The following FTSJ3 variants were observed in gnomAD, a reference collection of about 807,000 sequenced individuals.
The protein encoded by FTSJ3 is pre-rRNA 2'-O-ribose RNA methyltransferase FTSJ3.
FTSJ3 carries 46 observed loss-of-function variants against 111.5 expected under a neutral mutation model. That is an observed-to-expected ratio of 0.41 (90% CI 0.33 to 0.53). FTSJ3 has a LOEUF of 0.53. Ranked by LOEUF, FTSJ3 falls within the 20% of genes least tolerant of loss-of-function variation. FTSJ3 has a pLI of 0.19. For missense variants in FTSJ3, 1,075 were observed against 1,063.8 expected (o/e 1.01, Z -0.15); for synonymous variants, 408 against 383.0 (o/e 1.07, Z -0.76).
intron 13 of FTSJ3, among the ~76,000 whole-genome samples, chr17:63,822,820 G>A (rs1029647778): frequency 7.0e-6 from 1 of 142,606 alleles, no homozygotes; most frequent in African/African-American, 2.5e-5. Context: ...TATTTCTTGA[G>A]TGTTTATCAC....
rs753556041 is a variant in FTSJ3, at chr17:63,824,155, TTCC to T, written c.1080_1082del (p.Glu366del). 17 of 1,613,672 alleles carry T rather than the reference TTCC, an allele frequency of 1.1e-5. No individual in the cohort carries two copies. Among genetic ancestry groups the T allele is most frequent in the South Asian group, 7.7e-5 (7 of 91,074 alleles). The stretch of plus-strand genomic sequence containing the variant: ...GGTTCAGTTGTTCCTCCTCCTCCTC[TTCC>T]TCCTCCTCCTTAGAGGGCTGCTTTG... On this transcript the variant is annotated inframe_deletion, in exon 12 of 21. Coordinates refer to ENST00000427159, the MANE Select transcript of FTSJ3 (RefSeq NM_017647.4).
chr17:63,827,365 C>G lies in FTSJ3; in HGVS notation c.-340G>C, dbSNP rs1043333948. On this transcript the variant is annotated 5_prime_UTR_variant, in exon 1 of 21. Coordinates refer to ENST00000427159, the MANE Select transcript of FTSJ3 (RefSeq NM_017647.4). The stretch of plus-strand genomic sequence containing the variant: ...CCCATCATGGTTCCCTTAGTGTGGT[C>G]TCGCCGCACACCCCGCCCATTGACC... 2 of 1,360,578 alleles carry G rather than the reference C, an allele frequency of 1.5e-6. No homozygotes were observed. Among genetic ancestry groups the G allele is most frequent in the Non-Finnish European group, 2.0e-6 (2 of 980,616 alleles). 84.3% of individuals were successfully genotyped at this position (1,360,578 alleles called of 1,614,324 possible).
Position 63,824,813 on chromosome 17 carries a change from C to A in FTSJ3, c.816+12G>T. On this transcript the variant is annotated intron_variant, in intron 9 of 20. Coordinates refer to ENST00000427159, the MANE Select transcript of FTSJ3 (RefSeq NM_017647.4). The stretch of plus-strand genomic sequence containing the variant: ...TGGGGCTACCTCATGTCCCTCAAGG[C>A]TGGAGACTCACTTCGCTGGCCTTGG... 1 of 1,611,154 alleles carries A rather than the reference C, an allele frequency of 6.2e-7. No individual in the cohort carries two copies. Among genetic ancestry groups the A allele is most frequent in the Non-Finnish European group, 8.5e-7 (1 of 1,177,484 alleles).
In FTSJ3 at chr17:63,825,443, G is replaced by A. The variant is rs1245387920; in HGVS notation, c.401-7C>T. On this transcript the variant is annotated splice_polypyrimidine_tract_variant and splice_region_variant and intron_variant, in intron 6 of 20. Coordinates refer to ENST00000427159, the MANE Select transcript of FTSJ3 (RefSeq NM_017647.4). ...GCCATCAGTGTCAAATGGGCTGTAG[G>A]ATAGAGACAATTAGTTGACGCACTC... 4 of 1,613,998 alleles carry A rather than the reference G, an allele frequency of 2.5e-6. No homozygotes were observed. The highest frequency in any genetic ancestry group is 3.3e-5 in the Admixed American group (2 of 60,012).
In FTSJ3 at chr17:63,821,135, CTG is replaced by C. The variant is rs765428947; in HGVS notation, c.1887-22_1887-21del. Reference sequence around the variant, plus strand: ...TCCCAGCTGTGAAGAGGGGAGGACTCTGAGTGATTCCACCACTCTGTACTACT... The same window carrying C: ...TCCCAGCTGTGAAGAGGGGAGGACTCAGTGATTCCACCACTCTGTACTACT... On this transcript the variant is annotated intron_variant, in intron 16 of 20. Coordinates refer to ENST00000427159, the MANE Select transcript of FTSJ3 (RefSeq NM_017647.4). 2.5e-6 allele frequency: 4 copies of C among 1,611,976 alleles called. No individual in the cohort carries two copies. Among genetic ancestry groups the C allele is most frequent in the Non-Finnish European group, 3.4e-6 (4 of 1,178,264 alleles).
intron 16 of FTSJ3, 92 bp from the exon 17 acceptor site, chr17:63,821,207 C>T (rs1449691168): frequency 3.9e-6 from 6 of 1,526,670 alleles, no homozygotes; most frequent in Admixed American, 3.3e-5. Context: ...GCCATGCAGG[C>T]TGTACCCCAG....
rs532022785 is a variant in FTSJ3, at chr17:63,827,043, G to A, written c.-27+9C>T. The A allele has an allele frequency of 9.0e-5, 71 of 789,366 alleles. No individual in the cohort carries two copies. The highest frequency in any genetic ancestry group is 3.0e-4 in the Admixed American group (15 of 50,596). The allele number at this position is 789,366 out of a possible 1,614,324, so 48.9% of individuals were successfully genotyped here. On this transcript the variant is annotated intron_variant, in intron 1 of 20. Transcript: ENST00000427159. ...GCAATTCCACCCCGCGCCCCTCTCCGCACACTACCTAGACCCAGAGCCGCT... is the reference window on the plus strand; with the variant it reads ...GCAATTCCACCCCGCGCCCCTCTCCACACACTACCTAGACCCAGAGCCGCT...
intron 5 of FTSJ3, 37 bp from the exon 6 acceptor site, chr17:63,825,672 C>T (rs1464942150): frequency 6.4e-7 from 1 of 1,559,462 alleles, no homozygotes; most frequent in Non-Finnish European, 8.8e-7. Context: ...AACAGAAACA[C>T]TGGAATGGCC....
In FTSJ3 at chr17:63,820,223, C is replaced by G. The variant is rs541257195; in HGVS notation, c.2256+32G>C. The G allele has an allele frequency of 2.2e-5, 36 of 1,603,166 alleles. No homozygotes were observed. In the South Asian group the frequency reaches 4.0e-4, roughly 18 times the overall value. ...CTCTTCCCCATCCCCCCACCCCCAC[C>G]CCACCCAATCTCTGGAGGCCCCATC... On this transcript the variant is annotated intron_variant, in intron 19 of 20. Coordinates refer to ENST00000427159, the MANE Select transcript of FTSJ3 (RefSeq NM_017647.4).
At position 63,823,993 on chromosome 17, in the gene FTSJ3, A is replaced by G. The variant is rs2040073964; in HGVS notation, c.1155-41T>C. The G allele has an allele frequency of 5.0e-6, 8 of 1,613,862 alleles. No homozygotes were observed. In the South Asian group the frequency reaches 5.5e-5, roughly 11 times the overall value. On this transcript the variant is annotated intron_variant, in intron 12 of 20. Coordinates refer to ENST00000427159, the MANE Select transcript of FTSJ3 (RefSeq NM_017647.4). ...GAGGGAGTAAAACCGGCCCAGCTCC[A>G]AAGTTTCTATCCATGCCTTGCATTT...
chr17:63,820,229 C>CCA, intron 19 of FTSJ3, 26 bp downstream of exon 19: 2 of 1,608,788 alleles, frequency 1.2e-6, no homozygotes, highest in Non-Finnish European at 1.7e-6. Context: ...CCACCCCACC[C>CCA]AATCTCTGGA....
chr17:63,827,520 G>A lies in FTSJ3; in HGVS notation c.-495C>T, dbSNP rs1179048985. ...CGCTTGACGGACCAGAGCAGGTATG[G>A]CGGGTGCAGTGGCGGCCCGGCAGGT... On this transcript the variant is annotated 5_prime_UTR_variant, in exon 1 of 21. Transcript: ENST00000427159. 6.4e-7 allele frequency: 1 copy of A among 1,551,712 alleles called. No homozygotes were observed. Among genetic ancestry groups the A allele is most frequent in the African/African-American group, 1.4e-5 (1 of 73,188 alleles).
In FTSJ3 at chr17:63,824,142, C is replaced by A. The variant is rs780822822; in HGVS notation, c.1096G>T (p.Glu366Ter). Residue 366 changes from glutamate (E) to a stop codon, truncating the protein, a stop_gained, in exon 12 of 21, where the codon GAA becomes TAA. Transcript: ENST00000427159. LOFTEE classifies it high-confidence loss of function. ...SKEEEEEEEE[E>*]QLNQTLAEMK... is the part of the protein sequence containing the mutation. ...TCTGCCAAGGTCTGGTTCAGTTGTT[C>A]CTCCTCCTCCTCTTCCTCCTCCTCC... 6.2e-7 allele frequency: 1 copy of A among 1,613,584 alleles called. No individual in the cohort carries two copies. Among genetic ancestry groups the A allele is most frequent in the Non-Finnish European group, 8.5e-7 (1 of 1,179,638 alleles).
chr17:63,821,238 C>A (rs1007021217), intron 16 of FTSJ3, 116 bp downstream of exon 16: 51 of 1,509,844 alleles, frequency 3.4e-5, no homozygotes, highest in Non-Finnish European at 4.4e-5. Context: ...TCAGGATCGT[C>A]AGTACAGTAT....
intron 1 of FTSJ3, 51 bp downstream of exon 1, chr17:63,826,997 TCCAG>T: frequency 1.0e-6 from 1 of 991,814 alleles, no homozygotes; most frequent in Non-Finnish European, 1.6e-6. Flanking sequence ...GTTTCCCACT[TCCAG>T]TTTCCCACTT....
intron 13 of FTSJ3, 154 bp downstream of exon 13, chr17:63,823,663 T>A: frequency 1.3e-6 from 1 of 748,982 alleles, no homozygotes; most frequent in Non-Finnish European, 2.2e-6. Flanking sequence ...TTTATGTTTC[T>A]TTGTGGCCTT....
chr17:63,827,117 CCGCTTG>C lies in FTSJ3; in HGVS notation c.-98_-93del. ...AGTATGCAGCTAACTACTTCCGCTTCCGCTTGCGTCCCCTGCGTCCCTGGCTCGAGG... is the reference window on the plus strand; with the variant it reads ...AGTATGCAGCTAACTACTTCCGCTTCCGTCCCCTGCGTCCCTGGCTCGAGG... On this transcript the variant is annotated 5_prime_UTR_variant, in exon 1 of 21. Transcript: ENST00000427159. 1.6e-6 allele frequency: 1 copy of C among 610,312 alleles called. No homozygotes were observed. The allele number at this position is 610,312 out of a possible 1,614,324, so 37.8% of individuals were successfully genotyped here.
chr17:63,825,919 G>A (rs1365375152), intron 5 of FTSJ3, 137 bp downstream of exon 5: 3 of 730,500 alleles, frequency 4.1e-6, no homozygotes, highest in African/African-American at 3.5e-5. Flanking sequence ...CACTACGAAT[G>A]CCATAGGTCT....
rs2040078175 is a variant in FTSJ3, at chr17:63,824,368, T to C, written c.961A>G (p.Lys321Glu). 2 of 1,614,236 alleles carry C rather than the reference T, an allele frequency of 1.2e-6. No individual in the cohort carries two copies. Among genetic ancestry groups the C allele is most frequent in the East Asian group, 2.2e-5 (1 of 44,888 alleles). ...GCCTTTGCTTGTTCTTTCAGCTTCT[T>C]GGCCACATATCGCCGAAGTTTTGTT... ...WRTKLRRYVAKKLKEQAKALD... is the reference protein window; with the variant it reads ...WRTKLRRYVAEKLKEQAKALD... Residue 321 changes from lysine to glutamate, a missense_variant, in exon 11 of 21, where the codon AAG becomes GAG. Lys to Glu is a moderately conservative substitution (Grantham distance 56). Coordinates refer to ENST00000427159, the MANE Select transcript of FTSJ3 (RefSeq NM_017647.4).
Sources: gnomAD v4.1 joint callset for allele counts (sites outside exome capture counted in the v4.1 genomes callset) on GRCh38, gnomAD v4.1.1 for gene constraint, MANE v1.5 for transcripts, NCBI Gene and HGNC (gene_info 2026-07-23, HGNC 2026-07-21) for gene names.